The following VPS35L variants were observed in gnomAD, a reference collection of about 807,000 sequenced individuals.
VPS35L encodes VPS35 endosomal protein-sorting factor-like.
Under a neutral mutation model 133.0 loss-of-function variants are expected in VPS35L, and 83 were observed. The observed-to-expected ratio is 0.62, with a 90% confidence interval of 0.52 to 0.75. The LOEUF (loss-of-function observed/expected upper bound fraction) is 0.75. Ranked by LOEUF, VPS35L falls within the 30% of genes least tolerant of loss-of-function variation. The pLI, the probability that VPS35L is intolerant of heterozygous loss-of-function variation, is 0.00. For missense variants in VPS35L, 1,083 were observed against 1,206.8 expected, an observed-to-expected ratio of 0.90 and a Z score of 1.52; for synonymous variants, 423 against 449.9, an observed-to-expected ratio of 0.94 and a Z score of 0.76.
chr16:19,654,680 C>A (rs1974244139), intron 26 of VPS35L, among the ~76,000 whole-genome samples: 1 of 152,126 alleles, frequency 6.6e-6, no homozygotes, highest in Admixed American at 6.6e-5. Context: ...AATTTTAAAT[C>A]TGCTTATAAA....
intron 21 of VPS35L, among the ~76,000 whole-genome samples, chr16:19,641,546 C>G (rs944269230): frequency 6.6e-6 from 1 of 151,984 alleles, no homozygotes; most frequent in African/African-American, 2.4e-5. Flanking sequence ...TTTGATATTG[C>G]TCAAATGTTT....
chr16:19,578,293 T>G (rs756487919), intron 5 of VPS35L: 8 of 447,316 alleles, frequency 1.8e-5, no homozygotes, highest in South Asian at 4.8e-5. Flanking sequence ...TTTCTTTTTT[T>G]TTTTTTTGAG....
At chr16:19,564,757 C>A in intron 1 of VPS35L, 94 bp from the exon 2 acceptor site, 1 of 870,252 alleles carries the variant, frequency 1.1e-6, no homozygotes, top group Non-Finnish European at 1.8e-6. Flanking sequence ...TTGTGCTGTT[C>A]TAAACTACCT....
chr16:19,578,936 T>G, intron 5 of VPS35L, 116 bp from the exon 6 acceptor site: 1 of 851,064 alleles, frequency 1.2e-6, no homozygotes, highest in Non-Finnish European at 2.0e-6. Flanking sequence ...TTTTCTATAA[T>G]GGAATCATTC....
At chr16:19,679,480 T>C (rs1330702689) in intron 27 of VPS35L, among the ~76,000 whole-genome samples, 1 of 114,134 alleles carries the variant, frequency 8.8e-6, no homozygotes, top group Non-Finnish European at 1.6e-5. Context: ...TATTTATTTA[T>C]TTATTTATTT....
intron 27 of VPS35L, among the ~76,000 whole-genome samples, chr16:19,670,968 T>A (rs865882068): frequency 1.4e-4 from 22 of 152,222 alleles, no homozygotes; most frequent in Admixed American, 7.9e-4. Context: ...ACATTTCAGA[T>A]GTGAAAGATA....
At chr16:19,610,814 G>A (rs1447740495) in intron 12 of VPS35L, among the ~76,000 whole-genome samples, 1 of 152,036 alleles carries the variant, frequency 6.6e-6, no homozygotes, top group Non-Finnish European at 1.5e-5. Context: ...CTTGGCAGGG[G>A]AGCAGTGTCC....
rs1567388653 is a variant in VPS35L at position 19,570,871 on chromosome 16, A to AT, written c.285+1281dup. On this transcript the variant is annotated intron_variant, in intron 3 of 30. Transcript: ENST00000417362. ...TATATATATATATATATATATATAT[A>AT]TATATATATATATATATATTTTTGA... 5.8e-4 allele frequency among the ~76,000 whole-genome samples: 32 copies of AT among 55,492 alleles called. 3 individuals are homozygous for AT. Among genetic ancestry groups the AT allele is most frequent in the African/African-American group, 4.4e-3 (31 of 6,974 alleles). The allele number at this position is 55,492 out of a possible 152,430, so 36.4% of individuals were successfully genotyped here. A position where few individuals can be genotyped will look rare whatever the true frequency, so the allele number is the denominator to read the frequency against.
intron 1 of VPS35L, among the ~76,000 whole-genome samples, chr16:19,558,692 G>T (rs1005565078): frequency 2.6e-5 from 4 of 152,024 alleles, no homozygotes; most frequent in African/African-American, 9.7e-5. Flanking sequence ...AGGCTGAGGC[G>T]GGTGGATCAC....
intron 14 of VPS35L, among the ~76,000 whole-genome samples, chr16:19,622,807 G>A (rs987155257): frequency 3.9e-5 from 6 of 152,170 alleles, no homozygotes; most frequent in Non-Finnish European, 7.3e-5. Flanking sequence ...GTGGGTTAGG[G>A]AAGCCATTTA....
chr16:19,643,229 C>T (rs1471410773), intron 22 of VPS35L, among the ~76,000 whole-genome samples: 1 of 152,032 alleles, frequency 6.6e-6, no homozygotes, highest in African/African-American at 2.4e-5. Flanking sequence ...AAAATGGAAC[C>T]GGTAGACTTT....
intron 6 of VPS35L, among the ~76,000 whole-genome samples, chr16:19,581,265 T>A (rs8060828): frequency 9.2e-5 from 14 of 151,846 alleles, no homozygotes; most frequent in African/African-American, 3.1e-4. Flanking sequence ...CACAGCTACT[T>A]GGTGTCCAAG....
At chr16:19,583,041 G>A (rs975288120) in intron 7 of VPS35L, among the ~76,000 whole-genome samples, 2 of 151,960 alleles carry the variant, frequency 1.3e-5, no homozygotes, top group Non-Finnish European at 1.5e-5. Context: ...TTTGCTATAC[G>A]GTAAAGTTTT....
chr16:19,627,639 A>C (rs1973309462), intron 15 of VPS35L, 55 bp from the exon 16 acceptor site: 3 of 1,371,910 alleles, frequency 2.2e-6, no homozygotes, highest in Non-Finnish European at 3.1e-6. Flanking sequence ...TTCAAAAATT[A>C]AAGCAACTTT....
chr16:19,644,256 A>G (rs1048215183), intron 22 of VPS35L, among the ~76,000 whole-genome samples: 8 of 152,226 alleles, frequency 5.3e-5, no homozygotes, highest in African/African-American at 1.4e-4. Flanking sequence ...TTACTTTACA[A>G]TGTATCAAAA....
intron 28 of VPS35L, among the ~76,000 whole-genome samples, chr16:19,688,372 GA>G (rs1975537344): frequency 6.6e-6 from 1 of 152,148 alleles, no homozygotes; most frequent in Admixed American, 6.5e-5. Context: ...AATGGGGCGA[GA>G]AAAGCACAAC....
At chr16:19,692,853 G>A (rs1292259076) in intron 29 of VPS35L, among the ~76,000 whole-genome samples, 1 of 152,234 alleles carries the variant, frequency 6.6e-6, no homozygotes. Flanking sequence ...ATGAGCTATT[G>A]CGCCCGGCCA....
intron 26 of VPS35L, among the ~76,000 whole-genome samples, chr16:19,657,990 C>T (rs951264865): frequency 2.0e-5 from 3 of 152,118 alleles, no homozygotes; most frequent in East Asian, 1.9e-4. Flanking sequence ...TTGTCGCCCA[C>T]GTTCACATCT....
chr16:19,682,797 G>A (rs1213548439), intron 28 of VPS35L, among the ~76,000 whole-genome samples: 1 of 152,200 alleles, frequency 6.6e-6, no homozygotes, highest in Non-Finnish European at 1.5e-5. Context: ...GGGAGGCAGA[G>A]GTTACAGTAA....
Sources: allele counts gnomAD v4.1 joint callset (sites outside exome capture counted in the v4.1 genomes callset), GRCh38; gene constraint gnomAD v4.1.1; transcripts MANE v1.5; gene names NCBI Gene and HGNC (gene_info 2026-07-23, HGNC 2026-07-21).